Variants in KLHL24 observed in about 807,000 individuals in gnomAD.
KLHL24 encodes kelch-like protein 24.
In KLHL24, 29 loss-of-function variants were observed where a neutral mutation model predicts 53.4. That is an observed-to-expected ratio of 0.54 (90% confidence interval 0.40 to 0.74). The LOEUF is 0.74. Among genes scored for constraint, KLHL24 ranks in the 30% least tolerant of loss-of-function variants. The pLI is 0.00. For synonymous variants in KLHL24, 222 were observed against 253.7 expected, an observed-to-expected ratio of 0.88 and a Z score of 1.19; for missense variants, 504 against 744.0, an observed-to-expected ratio of 0.68 and a Z score of 3.75.
intron 3 of KLHL24, among the ~76,000 whole-genome samples, chr3:183,662,352 GCA>G (rs1202391719): frequency 1.3e-5 from 2 of 152,086 alleles, no homozygotes; most frequent in African/African-American, 2.4e-5. Context: ...TTGTGTAACA[GCA>G]CACTGACTAA....
intron 2 of KLHL24, among the ~76,000 whole-genome samples, chr3:183,645,647 A>G (rs1460279882): frequency 6.6e-6 from 1 of 152,250 alleles, no homozygotes; most frequent in East Asian, 1.9e-4. Flanking sequence ...AAACTCAGAT[A>G]TATTTTTATT....
intron 2 of KLHL24, among the ~76,000 whole-genome samples, chr3:183,648,370 G>A (rs1267546055): frequency 2.6e-5 from 4 of 152,076 alleles, no homozygotes; most frequent in African/African-American, 2.4e-5. Flanking sequence ...TTTAATATGC[G>A]ACAGGGTACA....
intron 5 of KLHL24, 87 bp downstream of exon 5, chr3:183,665,126 G>T: frequency 5.7e-6 from 4 of 698,416 alleles, no homozygotes; most frequent in Non-Finnish European, 7.6e-6. Context: ...TCACCCTCTG[G>T]GTATTTTGGA....
intron 3 of KLHL24, among the ~76,000 whole-genome samples, chr3:183,662,778 C>CT (rs1394395322): frequency 6.6e-6 from 1 of 152,126 alleles, no homozygotes; most frequent in African/African-American, 2.4e-5. Flanking sequence ...AGACAACTAT[C>CT]TTTAGCATTT....
rs545496839 is a variant in KLHL24 at position 183,683,961 on chromosome 3, A to G, written c.*4675A>G. Reference sequence around the variant, plus strand: ...TGTTGGATGTTTGGAGTTTCATTATATTTTTTGTTTTTATTTTTTGATACC... The same window carrying G: ...TGTTGGATGTTTGGAGTTTCATTATGTTTTTTGTTTTTATTTTTTGATACC... On this transcript the variant is annotated 3_prime_UTR_variant, in exon 8 of 8. Coordinates refer to ENST00000242810, the MANE Select transcript of KLHL24 (RefSeq NM_017644.3). 3 of 152,630 alleles carry G rather than the reference A, an allele frequency of 2.0e-5. No homozygotes were observed. The highest frequency in any genetic ancestry group is 4.1e-4 in the South Asian group (2 of 4,824). 9.5% of individuals were successfully genotyped at this position (152,630 alleles called of 1,614,324 possible). A position where few individuals can be genotyped will look rare whatever the true frequency, so the allele number is the denominator to read the frequency against.
chr3:183,647,429 A>C (rs1343560938), intron 2 of KLHL24, among the ~76,000 whole-genome samples: 1 of 151,060 alleles, frequency 6.6e-6, no homozygotes, highest in African/African-American at 2.4e-5. Context: ...AAAATTAAAA[A>C]ATAAAAAATG....
At chr3:183,646,325 G>A in intron 2 of KLHL24, among the ~76,000 whole-genome samples, 1 of 128,118 alleles carries the variant, frequency 7.8e-6, no homozygotes, top group Non-Finnish European at 1.5e-5. Flanking sequence ...TTGTGCCACT[G>A]CACTCCAGCC....
chr3:183,640,579 TTTTTTTCTTTTTTC>T (rs1342708034), intron 1 of KLHL24, among the ~76,000 whole-genome samples: 1 of 130,140 alleles, frequency 7.7e-6, no homozygotes, highest in South Asian at 2.2e-4. Flanking sequence ...TACCTTTTCT[TTTTTTTCTTTTTTC>T]TTTTTTCTTT....
At chr3:183,653,931 A>G (rs1175008392) in intron 3 of KLHL24, among the ~76,000 whole-genome samples, 1 of 152,150 alleles carries the variant, frequency 6.6e-6, no homozygotes, top group Non-Finnish European at 1.5e-5. Flanking sequence ...ATCACTAGGA[A>G]TTTCATTATC....
intron 2 of KLHL24, among the ~76,000 whole-genome samples, chr3:183,646,810 C>T (rs1468224388): frequency 6.6e-6 from 1 of 151,810 alleles, no homozygotes; most frequent in Non-Finnish European, 1.5e-5. Context: ...TTTATTGCAA[C>T]TCTTTTTTGT....
At chr3:183,675,692 G>A (rs1711715421) in intron 7 of KLHL24, among the ~76,000 whole-genome samples, 1 of 151,860 alleles carries the variant, frequency 6.6e-6, no homozygotes, top group African/African-American at 2.4e-5. Flanking sequence ...CAGCACCTTG[G>A]GAAGCTGAGG....
Position 183,663,640 on chromosome 3 carries a change from C to T in KLHL24, c.1103C>T (p.Ser368Leu). Residue 368 changes from serine (S) to leucine (L), a missense_variant and splice_region_variant, in exon 4 of 8, where the codon TCA (serine) becomes TTA (leucine). Ser to Leu is a moderately radical substitution (Grantham distance 145, BLOSUM62 -2). Coordinates refer to ENST00000242810, the MANE Select transcript of KLHL24 (RefSeq NM_017644.3). This position sits in a 1 kb window ranked among gnomAD's most constrained non-coding sequence, Gnocchi z 4.9. The part of the protein sequence containing the change: ...VCALRNDILV[S>L]GGRINSRDVW... ...GCTCTAAGGAATGACATTCTTGTTT[C>T]AGGTAAATATAGAATTATTACAGTA... 6.6e-7 allele frequency: 1 copy of T among 1,526,148 alleles called. No homozygotes were observed. 94.5% of individuals were successfully genotyped at this position (1,526,148 alleles called of 1,614,324 possible).
chr3:183,647,288 C>T (rs893165204), intron 2 of KLHL24, among the ~76,000 whole-genome samples: 3 of 151,718 alleles, frequency 2.0e-5, no homozygotes, highest in Non-Finnish European at 4.4e-5. Flanking sequence ...TGGTGGTGCA[C>T]GCCTGTAGTT....
intron 3 of KLHL24, among the ~76,000 whole-genome samples, chr3:183,657,151 T>C (rs979188766): frequency 2.0e-5 from 3 of 152,268 alleles, no homozygotes. Context: ...GAAAGAGTCA[T>C]TTCCCCTGAT....
chr3:183,663,682 A>T lies in KLHL24; in HGVS notation c.1105+40A>T. ...ATTACAGTAGCTACTTTTAATTTGGACACAGCTTCATTATTTTAAACATCA... is the reference window on the plus strand; with the variant it reads ...ATTACAGTAGCTACTTTTAATTTGGTCACAGCTTCATTATTTTAAACATCA... On this transcript the variant is annotated intron_variant, in intron 4 of 7. Transcript: ENST00000242810. The surrounding 1 kb of genome is among the most constrained non-coding windows in gnomAD (Gnocchi z 4.9). 2 of 1,160,738 alleles carry T rather than the reference A, an allele frequency of 1.7e-6. No individual in the cohort carries two copies. Among genetic ancestry groups the T allele is most frequent in the Non-Finnish European group, 2.4e-6 (2 of 841,604 alleles). The allele number at this position is 1,160,738 out of a possible 1,614,324, so 71.9% of individuals were successfully genotyped here. A position where few individuals can be genotyped will look rare whatever the true frequency, so the allele number is the denominator to read the frequency against.
intron 2 of KLHL24, among the ~76,000 whole-genome samples, chr3:183,647,651 CAGTGAGCCA>C (rs1417881206): frequency 6.6e-6 from 1 of 152,116 alleles, no homozygotes; most frequent in Non-Finnish European, 1.5e-5. Context: ...GTGGAGGTTA[CAGTGAGCCA>C]AGATGGCGCC....
chr3:183,649,695 C>T (rs1024624277), intron 2 of KLHL24, among the ~76,000 whole-genome samples: 4 of 151,402 alleles, frequency 2.6e-5, no homozygotes, highest in Admixed American at 1.3e-4. Flanking sequence ...GTGAGAGGAT[C>T]GCTTGAGGCC....
chr3:183,672,487 A>G lies in KLHL24; in HGVS notation c.1602+3A>G. ...TACAGAATACATTCAGCCGTCAGGT[A>G]ATAACATAAAGCAGTACAAAAGAAA... On this transcript the variant is annotated splice_donor_region_variant and intron_variant, in intron 7 of 7. Coordinates refer to ENST00000242810, the MANE Select transcript of KLHL24 (RefSeq NM_017644.3). 6.3e-7 allele frequency: 1 copy of G among 1,597,362 alleles called. No individual in the cohort carries two copies. The highest frequency in any genetic ancestry group is 1.1e-5 in the South Asian group (1 of 89,294).
At chr3:183,649,980 C>T (rs1409921973) in intron 2 of KLHL24, among the ~76,000 whole-genome samples, 2 of 151,644 alleles carry the variant, frequency 1.3e-5, no homozygotes, top group East Asian at 3.9e-4. Context: ...TCTGACTTAA[C>T]TCTACAGTCA....
Sources: gnomAD v4.1 joint callset for allele counts (sites outside exome capture counted in the v4.1 genomes callset) on GRCh38, gnomAD v4.1.1 for gene constraint, Gnocchi (gnomAD v3.1) non-coding constraint, MANE v1.5 for transcripts, NCBI Gene and HGNC (gene_info 2026-07-23, HGNC 2026-07-21) for gene names.